Variants in THSD7B observed in about 807,000 individuals in gnomAD.
The protein encoded by THSD7B is thrombospondin type 1 domain containing 7B.
In THSD7B, 138 loss-of-function variants were observed where a neutral mutation model predicts 213.6. That is an observed-to-expected ratio of 0.65 (90% CI 0.56 to 0.74). The LOEUF is 0.74. THSD7B is among the 30% of genes least tolerant of loss of function. The pLI, the probability that THSD7B is intolerant of heterozygous loss-of-function variation, is 0.00. For synonymous variants in THSD7B, 742 were observed against 687.0 expected (o/e 1.08, Z -1.25); for missense variants, 1,931 against 1,991.5 (o/e 0.97, Z 0.58).
At chr2:136,957,511 A>C (rs987216088) in intron 2 of THSD7B, among the ~76,000 whole-genome samples, 2 of 152,008 alleles carry the variant, frequency 1.3e-5, no homozygotes, top group African/African-American at 4.8e-5. Flanking sequence ...CTAGTACCAG[A>C]AAGAGTCCCG....
At chr2:137,202,649 T>C (rs1315369756) in intron 7 of THSD7B, among the ~76,000 whole-genome samples, 2 of 152,194 alleles carry the variant, frequency 1.3e-5, no homozygotes, top group African/African-American at 4.8e-5. Context: ...TAATTTGTTA[T>C]AGCAGCTTTG....
At chr2:136,896,204 T>C (rs564361755) in intron 2 of THSD7B, among the ~76,000 whole-genome samples, 29 of 152,344 alleles carry the variant, frequency 1.9e-4, no homozygotes, top group African/African-American at 6.7e-4. Context: ...CAGTGATATA[T>C]GAGAGTCCCT....
intron 2 of THSD7B, among the ~76,000 whole-genome samples, chr2:137,015,047 T>C (rs894125127): frequency 1.8e-4 from 27 of 152,116 alleles, no homozygotes; most frequent in African/African-American, 6.5e-4. Flanking sequence ...TTTTGTCTCA[T>C]ATCCCCTGCA....
intron 5 of THSD7B, among the ~76,000 whole-genome samples, chr2:137,122,748 C>G (rs984631291): frequency 6.6e-6 from 1 of 152,100 alleles, no homozygotes; most frequent in African/African-American, 2.4e-5. Flanking sequence ...CTGCCTGCTG[C>G]CCACTATCAT....
intron 15 of THSD7B, among the ~76,000 whole-genome samples, chr2:137,517,192 C>T (rs1180638543): frequency 3.3e-5 from 5 of 152,230 alleles, no homozygotes; most frequent in Non-Finnish European, 5.9e-5. Context: ...CCTTTACTGT[C>T]CTAGCTCAGG....
rs149125152 is a variant in THSD7B, at chr2:137,291,685, T to C, written c.2500+15659T>C. Among the ~76,000 whole-genome samples, 886 of 152,292 alleles carry C rather than the reference T, an allele frequency of 5.8e-3. 9 individuals are homozygous for C. Among genetic ancestry groups the C allele is most frequent in the African/African-American group, 0.02 (848 of 41,592 alleles). On this transcript the variant is annotated intron_variant, in intron 12 of 27. Transcript: ENST00000409968. ...GTTTAATCTCCTAGAGAGTAGAGGC[T>C]CTATCAGCTTTACTGTATAGTGTGC... is the stretch of plus-strand genomic sequence containing the variant.
chr2:136,890,406 C>CTT (rs1175432743), intron 2 of THSD7B, among the ~76,000 whole-genome samples: 2 of 756 alleles, frequency 2.6e-3, no homozygotes, highest in African/African-American at 4.2e-3. Context: ...TCTTCCTCTT[C>CTT]CTCTTCTTCT....
intron 3 of THSD7B, among the ~76,000 whole-genome samples, chr2:137,081,172 C>T (rs1173179182): frequency 2.6e-5 from 4 of 151,912 alleles, no homozygotes; most frequent in East Asian, 3.9e-4. Context: ...GTATATGTCC[C>T]AGGGTCGATT....
chr2:137,270,303 A>T (rs1682703358), intron 10 of THSD7B, among the ~76,000 whole-genome samples: 1 of 152,036 alleles, frequency 6.6e-6, no homozygotes, highest in South Asian at 2.1e-4. Context: ...GGGGCTACTG[A>T]TGCAGCCCAT....
At chr2:136,780,632 C>T (rs958702649) in intron 1 of THSD7B, among the ~76,000 whole-genome samples, 3 of 152,194 alleles carry the variant, frequency 2.0e-5, no homozygotes, top group Admixed American at 6.5e-5. Flanking sequence ...ACTTCCCCCT[C>T]CCTAAATTAT....
chr2:137,098,219 T>C (rs994214739), intron 4 of THSD7B, among the ~76,000 whole-genome samples: 13 of 152,198 alleles, frequency 8.5e-5, no homozygotes, highest in Admixed American at 1.3e-4. Context: ...TGATTCTTCA[T>C]AGTGTTTTTA....
chr2:136,896,962 T>C (rs2105007661), intron 2 of THSD7B, among the ~76,000 whole-genome samples: 1 of 151,662 alleles, frequency 6.6e-6, no homozygotes, highest in Middle Eastern at 3.4e-3. Context: ...ATATATTTTT[T>C]TAAGACAGGG....
At chr2:136,968,212 C>T (rs913682748) in intron 2 of THSD7B, among the ~76,000 whole-genome samples, 4 of 152,266 alleles carry the variant, frequency 2.6e-5, no homozygotes, top group African/African-American at 9.6e-5. Flanking sequence ...AACTAATTTA[C>T]TTTCCTATTA....
intron 2 of THSD7B, among the ~76,000 whole-genome samples, chr2:136,897,943 C>T (rs545251825): frequency 3.4e-5 from 5 of 149,134 alleles, no homozygotes; most frequent in Admixed American, 1.3e-4. Context: ...AGACACAGAG[C>T]GCTTGCGTTT....
intron 12 of THSD7B, among the ~76,000 whole-genome samples, chr2:137,385,637 C>T (rs1685877276): frequency 6.6e-6 from 1 of 151,270 alleles, no homozygotes; most frequent in African/African-American, 2.5e-5. Context: ...AAAAGGTGGC[C>T]AATTTGTGAC....
intron 2 of THSD7B, among the ~76,000 whole-genome samples, chr2:136,941,621 T>C (rs1248762705): frequency 6.6e-6 from 1 of 152,252 alleles, no homozygotes; most frequent in Non-Finnish European, 1.5e-5. Context: ...GATGAGCATT[T>C]TGTCATGTGA....
At chr2:137,248,664 C>A (rs1445843840) in intron 10 of THSD7B, among the ~76,000 whole-genome samples, 1 of 152,130 alleles carries the variant, frequency 6.6e-6, no homozygotes, top group East Asian at 1.9e-4. Context: ...ATGTGGCCCC[C>A]TCCTCTTCAC....
In THSD7B at chr2:137,303,645, AAC is replaced by A. The variant is rs541908093; in HGVS notation, c.2500+27625_2500+27626del. Among the ~76,000 whole-genome samples the A allele has an allele frequency of 1.8e-3, 254 of 143,046 alleles. 4 individuals are homozygous for A. Among genetic ancestry groups the A allele is most frequent in the African/African-American group, 5.0e-3 (189 of 37,636 alleles). 93.8% of individuals were successfully genotyped at this position (143,046 alleles called of 152,430 possible). On this transcript the variant is annotated intron_variant, in intron 12 of 27. Coordinates refer to ENST00000409968, the MANE Select transcript of THSD7B (RefSeq NM_001316349.2). Reference sequence around the variant, plus strand: ...GTCCCACTCTTTACAGACATATATAAACACACATTTTCGTGTTTATATATATT... The same window carrying A: ...GTCCCACTCTTTACAGACATATATAAACACATTTTCGTGTTTATATATATT...
intron 1 of THSD7B, among the ~76,000 whole-genome samples, chr2:136,842,228 G>A (rs1024863747): frequency 1.3e-5 from 2 of 152,058 alleles, no homozygotes; most frequent in Non-Finnish European, 2.9e-5. Context: ...TTGTTAACTT[G>A]GAAAAAAAGA....
Sources: gnomAD v4.1 joint callset for allele counts (sites outside exome capture counted in the v4.1 genomes callset) on GRCh38, gnomAD v4.1.1 for gene constraint, MANE v1.5 for transcripts, NCBI Gene and HGNC (gene_info 2026-07-23, HGNC 2026-07-21) for gene names.